The following PDE4D variants were observed in gnomAD, a reference collection of about 807,000 sequenced individuals.
The protein encoded by PDE4D is 3',5'-cyclic-AMP phosphodiesterase 4D.
A neutral mutation model predicts 87.4 loss-of-function variants in PDE4D; 24 were observed. The observed-to-expected ratio is 0.27, with a 90% CI of 0.20 to 0.39. PDE4D has a LOEUF of 0.39. PDE4D is among the 10% of genes least tolerant of loss of function. The pLI, the probability that PDE4D is intolerant of heterozygous loss-of-function variation, is 1.00. For synonymous variants in PDE4D, 384 were observed against 383.2 expected, an observed-to-expected ratio of 1.00 and a Z score of -0.02; for missense variants, 714 against 1,041.0, an observed-to-expected ratio of 0.69 and a Z score of 4.32.
chr5:60,476,116 C>T (rs553248195), intron 1 of PDE4D, among the ~76,000 whole-genome samples: 1 of 152,242 alleles, frequency 6.6e-6, no homozygotes, highest in African/African-American at 2.4e-5. Context: ...AATACTTTTT[C>T]CTCATTCCAA....
intron 1 of PDE4D, among the ~76,000 whole-genome samples, chr5:59,733,169 AAAT>A (rs1296207526): frequency 1.3e-5 from 2 of 152,118 alleles, no homozygotes; most frequent in African/African-American, 4.8e-5. Context: ...TTAGAGTTTG[AAAT>A]AATAATTGGG....
At chr5:60,317,640 C>T (rs1423096205) in intron 1 of PDE4D, among the ~76,000 whole-genome samples, 1 of 152,132 alleles carries the variant, frequency 6.6e-6, no homozygotes, top group East Asian at 1.9e-4. Context: ...TATAAATTGC[C>T]CTCTACACAC....
chr5:59,128,942 T>C (rs1775897679), intron 5 of PDE4D, among the ~76,000 whole-genome samples: 1 of 152,206 alleles, frequency 6.6e-6, no homozygotes, highest in African/African-American at 2.4e-5. Context: ...TTACTCAAGG[T>C]CATCCACCTA....
intron 5 of PDE4D, among the ~76,000 whole-genome samples, chr5:59,090,623 G>A (rs1416566390): frequency 1.3e-5 from 2 of 151,982 alleles, no homozygotes; most frequent in Non-Finnish European, 2.9e-5. Flanking sequence ...CTCAGAGACA[G>A]TCCTGTATTA....
intron 1 of PDE4D, among the ~76,000 whole-genome samples, chr5:59,495,584 T>A (rs2153662137): frequency 6.6e-6 from 1 of 152,220 alleles, no homozygotes; most frequent in Middle Eastern, 3.4e-3. Context: ...TAGGAGAGAA[T>A]GCTTGGATGC....
intron 1 of PDE4D, among the ~76,000 whole-genome samples, chr5:59,780,424 C>T (rs11741470): frequency 0.17 from 25,698 of 152,174 alleles, 2,563 homozygotes; most frequent in Middle Eastern, 0.32. Context: ...CCAAGCATTT[C>T]CCAGGAGTCT....
chr5:60,272,768 G>A (rs1275511718), intron 1 of PDE4D, among the ~76,000 whole-genome samples: 1 of 152,080 alleles, frequency 6.6e-6, no homozygotes, highest in Non-Finnish European at 1.5e-5. Flanking sequence ...GTTAACTGAG[G>A]CCCTTTAAAA....
At chr5:59,499,790 T>C (rs1219727616) in intron 1 of PDE4D, among the ~76,000 whole-genome samples, 4 of 151,538 alleles carry the variant, frequency 2.6e-5, no homozygotes, top group African/African-American at 9.7e-5. Context: ...AAAAACCTAA[T>C]GTCCAAAAAT....
chr5:60,357,310 T>C (rs1390124403), intron 1 of PDE4D, among the ~76,000 whole-genome samples: 2 of 152,206 alleles, frequency 1.3e-5, no homozygotes, highest in Non-Finnish European at 2.9e-5. Context: ...TGAGCTTCAT[T>C]GTATTTATGA....
At chr5:59,819,530 C>T (rs1423383513) in intron 1 of PDE4D, among the ~76,000 whole-genome samples, 5 of 152,090 alleles carry the variant, frequency 3.3e-5, no homozygotes, top group Non-Finnish European at 5.9e-5. Flanking sequence ...TACGTGATAA[C>T]GTAGAGTTGT....
intron 3 of PDE4D, among the ~76,000 whole-genome samples, chr5:59,921,399 G>A (rs557002975): frequency 6.6e-6 from 1 of 152,066 alleles, no homozygotes; most frequent in African/African-American, 2.4e-5. Context: ...CAAAAGTTGA[G>A]GTTATTGAGA....
intron 1 of PDE4D, among the ~76,000 whole-genome samples, chr5:59,485,266 A>G (rs1804925342): frequency 6.6e-6 from 1 of 152,172 alleles, no homozygotes; most frequent in South Asian, 2.1e-4. Flanking sequence ...AAATGAATAT[A>G]CAGTGCATCC....
At chr5:59,692,617 T>C (rs567261174) in intron 1 of PDE4D, among the ~76,000 whole-genome samples, 1 of 152,286 alleles carries the variant, frequency 6.6e-6, no homozygotes, top group South Asian at 2.1e-4. Context: ...TCAGTATGGT[T>C]ATCTCATGTT....
chr5:59,168,391 C>T (rs1782221645), intron 5 of PDE4D, among the ~76,000 whole-genome samples: 1 of 152,174 alleles, frequency 6.6e-6, no homozygotes, highest in Non-Finnish European at 1.5e-5. Context: ...TGACTTCTCA[C>T]ACACACCTGG....
chr5:59,927,291 G>A (rs2152784243), intron 3 of PDE4D, among the ~76,000 whole-genome samples: 1 of 152,156 alleles, frequency 6.6e-6, no homozygotes, highest in East Asian at 1.9e-4. Flanking sequence ...TCTCTCAAAT[G>A]CAAAGCTTGG....
chr5:59,163,730 G>A (rs1201633858), intron 5 of PDE4D, among the ~76,000 whole-genome samples: 1 of 152,168 alleles, frequency 6.6e-6, no homozygotes, highest in African/African-American at 2.4e-5. Flanking sequence ...ATTCAGAGTG[G>A]CAACTGGGGT....
In PDE4D at chr5:58,969,423, A is replaced by G. The variant is rs11950495; in HGVS notation, c.*5241T>C. ...TTCTCCAGATGTCTCAAGCTCATTT[A>G]TGCCTCAAGATCTTTGCAAATGTTT... On this transcript the variant is annotated 3_prime_UTR_variant, in exon 15 of 15. Transcript: ENST00000340635. The G allele has an allele frequency of 0.073, 11,124 of 152,266 alleles. 590 individuals carry two copies. Among genetic ancestry groups the G allele is most frequent in the Admixed American group, 0.14 (2,099 of 15,274 alleles). The allele number at this position is 152,266 out of a possible 1,614,324, so 9.4% of individuals were successfully genotyped here. A position where few individuals can be genotyped will look rare whatever the true frequency, so the allele number is the denominator to read the frequency against.
intron 1 of PDE4D, among the ~76,000 whole-genome samples, chr5:60,454,231 G>T (rs2150157117): frequency 6.6e-6 from 1 of 152,258 alleles, no homozygotes; most frequent in Non-Finnish European, 1.5e-5. Flanking sequence ...CATTGTGGAA[G>T]ACAGTGTGGT....
At chr5:59,332,156 A>C (rs907108895) in intron 1 of PDE4D, among the ~76,000 whole-genome samples, 2 of 152,204 alleles carry the variant, frequency 1.3e-5, no homozygotes, top group African/African-American at 4.8e-5. Flanking sequence ...TATTTCAAAC[A>C]ATTATTATTT....
Sources: gnomAD v4.1 joint callset for allele counts (sites outside exome capture counted in the v4.1 genomes callset) on GRCh38, gnomAD v4.1.1 for gene constraint, MANE v1.5 for transcripts, NCBI Gene and HGNC (gene_info 2026-07-23, HGNC 2026-07-21) for gene names.